Variants in EYS observed in about 807,000 individuals in gnomAD.
EYS encodes protein eyes shut homolog.
A neutral mutation model predicts 282.1 loss-of-function variants in EYS; 250 were observed. The observed-to-expected ratio is 0.89, with a 90% CI of 0.80 to 0.98. The LOEUF is 0.98. Ranked by LOEUF, EYS falls within the 50% of genes least tolerant of loss-of-function variation. EYS has a pLI of 0.00. For synonymous variants in EYS, 1,355 were observed against 1,282.9 expected (o/e 1.06, Z -1.20); for missense variants, 4,016 against 3,709.0 (o/e 1.08, Z -2.15).
At chr6:64,170,408 C>T (rs1344301109) in intron 31 of EYS, among the ~76,000 whole-genome samples, 1 of 152,012 alleles carries the variant, frequency 6.6e-6, no homozygotes, top group East Asian at 1.9e-4. Flanking sequence ...CTCATAGTTA[C>T]TGAGGCTAGA....
chr6:64,083,819 C>A (rs1431684735), intron 31 of EYS, among the ~76,000 whole-genome samples: 1 of 152,200 alleles, frequency 6.6e-6, no homozygotes, highest in Admixed American at 6.5e-5. Flanking sequence ...CTCACTGCAA[C>A]CTCCACCTCC....
rs148467178 is a variant in EYS at position 64,231,457 on chromosome 6, A to T, written c.6192-633T>A. 2.0e-5 allele frequency among the ~76,000 whole-genome samples: 3 copies of T among 152,270 alleles called. No individual in the cohort carries two copies. In the East Asian group the frequency reaches 5.8e-4, roughly 29 times the overall value. Reference sequence around the variant, plus strand: ...TGCTCTTCCAGCCTACTTTATCATGATTCCTAATAAGTACCTTAAATTCTC... The same window carrying T: ...TGCTCTTCCAGCCTACTTTATCATGTTTCCTAATAAGTACCTTAAATTCTC... On this transcript the variant is annotated intron_variant, in intron 30 of 42. Coordinates refer to ENST00000503581, the MANE Select transcript of EYS (RefSeq NM_001142800.2).
At chr6:65,052,933 A>G (rs1773315562) in intron 13 of EYS, among the ~76,000 whole-genome samples, 2 of 151,764 alleles carry the variant, frequency 1.3e-5, no homozygotes, top group Non-Finnish European at 2.9e-5. Context: ...TTTTTTAAAA[A>G]ATGAAGAAAA....
chr6:64,662,914 G>C (rs1352763153), intron 22 of EYS, among the ~76,000 whole-genome samples: 1 of 151,984 alleles, frequency 6.6e-6, no homozygotes, highest in Non-Finnish European at 1.5e-5. Flanking sequence ...GAGAATTACT[G>C]CTCTAGACCT....
chr6:64,817,498 G>A (rs1344996248), intron 21 of EYS, among the ~76,000 whole-genome samples: 2 of 152,144 alleles, frequency 1.3e-5, no homozygotes, highest in Non-Finnish European at 2.9e-5. Context: ...TGCGTACTCA[G>A]TTTTTTACAT....
chr6:65,164,108 G>T (rs1581971214), intron 12 of EYS, among the ~76,000 whole-genome samples: 1 of 151,316 alleles, frequency 6.6e-6, no homozygotes, highest in South Asian at 2.1e-4. Flanking sequence ...TGAAATAATT[G>T]TGAGTTGTTT....
intron 37 of EYS, among the ~76,000 whole-genome samples, chr6:63,793,238 T>C (rs1770561380): frequency 6.6e-6 from 1 of 152,190 alleles, no homozygotes; most frequent in African/African-American, 2.4e-5. Context: ...AAAATGATGA[T>C]AGAGAAGAAA....
At chr6:65,083,772 A>G (rs1425197489) in intron 12 of EYS, among the ~76,000 whole-genome samples, 2 of 151,738 alleles carry the variant, frequency 1.3e-5, no homozygotes, top group African/African-American at 4.8e-5. Context: ...TTTCTATTAG[A>G]GTTTTAATTA....
chr6:64,588,677 C>T (rs1448322879), intron 26 of EYS, among the ~76,000 whole-genome samples: 2 of 152,020 alleles, frequency 1.3e-5, no homozygotes, highest in Admixed American at 6.6e-5. Flanking sequence ...TTTCCTTAAA[C>T]TCTACCCATA....
chr6:64,515,221 A>T (rs1033000240), intron 26 of EYS, among the ~76,000 whole-genome samples: 1 of 151,672 alleles, frequency 6.6e-6, no homozygotes, highest in Non-Finnish European at 1.5e-5. Context: ...TACATTTTAT[A>T]TGGATTAAGA....
intron 29 of EYS, among the ~76,000 whole-genome samples, chr6:64,326,209 A>C (rs1011358666): frequency 1.3e-5 from 2 of 151,962 alleles, no homozygotes; most frequent in Middle Eastern, 6.8e-3. Context: ...CCCCACTTAC[A>C]CTCAAGTTAA....
At position 63,928,690 on chromosome 6, in the gene EYS, A is replaced by G. The variant is rs115030041; in HGVS notation, c.7055+55693T>C. Among the ~76,000 whole-genome samples the G allele has an allele frequency of 8.9e-4, 135 of 152,312 alleles. 1 individual carries two copies. Among genetic ancestry groups the G allele is most frequent in the African/African-American group, 3.1e-3 (129 of 41,570 alleles). The stretch of plus-strand genomic sequence containing the variant: ...GTCAGGTAGCATCTGCTTAAAGGAC[A>G]ATTTCTTCCTGACATTTTAATTCAA... On this transcript the variant is annotated intron_variant, in intron 35 of 42. Transcript: ENST00000503581.
intron 14 of EYS, among the ~76,000 whole-genome samples, chr6:64,988,016 T>C (rs1770920968): frequency 6.6e-6 from 1 of 151,470 alleles, no homozygotes. Flanking sequence ...ACCAATCCCA[T>C]TGGTCTCTTT....
At chr6:65,593,214 A>C (rs1765293919) in intron 2 of EYS, among the ~76,000 whole-genome samples, 1 of 152,072 alleles carries the variant, frequency 6.6e-6, no homozygotes, top group Non-Finnish European at 1.5e-5. Context: ...ACTGTCTTTT[A>C]AAACAAACTC....
At chr6:64,167,922 AATG>A (rs1324398902) in intron 31 of EYS, among the ~76,000 whole-genome samples, 1 of 151,906 alleles carries the variant, frequency 6.6e-6, no homozygotes, top group Non-Finnish European at 1.5e-5. Context: ...AAAAACACAA[AATG>A]ATAAGATATT....
chr6:64,312,551 C>G (rs574656154), intron 29 of EYS, among the ~76,000 whole-genome samples: 4 of 152,312 alleles, frequency 2.6e-5, no homozygotes, highest in African/African-American at 9.6e-5. Context: ...ATTGCCTCCT[C>G]AAGTGGGTCC....
rs140506043 is a variant in EYS at position 64,066,328 on chromosome 6, C to T, written c.6725+10G>A. 6.1e-4 allele frequency: 940 copies of T among 1,544,926 alleles called. 9 individuals carry two copies. In the African/African-American group the frequency reaches 0.011, roughly 19 times the overall value. ...AGCACGAAAGAACTACCGTGGAGTA[C>T]AGTACTTACCGTATTGTGATAGGGG... On this transcript the variant is annotated intron_variant, in intron 33 of 42. Coordinates refer to ENST00000503581, the MANE Select transcript of EYS (RefSeq NM_001142800.2).
At chr6:64,527,544 T>G (rs147052253) in intron 26 of EYS, among the ~76,000 whole-genome samples, 74 of 151,976 alleles carry the variant, frequency 4.9e-4, no homozygotes, top group African/African-American at 1.7e-3. Flanking sequence ...ATATCTTAGG[T>G]AAACAAGCTG....
chr6:64,240,269 A>C (rs1192676460), intron 30 of EYS, among the ~76,000 whole-genome samples: 1 of 152,136 alleles, frequency 6.6e-6, no homozygotes, highest in Non-Finnish European at 1.5e-5. Context: ...AATTTAAAGC[A>C]GTTTTTTTCC....
Sources: gnomAD v4.1 joint callset for allele counts (sites outside exome capture counted in the v4.1 genomes callset) on GRCh38, gnomAD v4.1.1 for gene constraint, MANE v1.5 for transcripts, NCBI Gene and HGNC (gene_info 2026-07-23, HGNC 2026-07-21) for gene names.